The following LARGE1 variants were observed in gnomAD, a reference collection of about 807,000 sequenced individuals.
LARGE1 encodes LARGE xylosyl- and glucuronyltransferase 1, also known as xylosyl- and glucuronyltransferase LARGE1.
A neutral mutation model predicts 87.6 loss-of-function variants in LARGE1; 43 were observed. The ratio of observed to expected loss-of-function variants is 0.49; its 90% CI spans 0.38 to 0.63. The LOEUF (loss-of-function observed/expected upper bound fraction) is 0.63, where lower values mean the gene tolerates loss of function less well. Ranked by LOEUF, LARGE1 falls within the 30% of genes least tolerant of loss-of-function variation. The pLI, the probability that LARGE1 is intolerant of heterozygous loss-of-function variation, is 0.00. For synonymous variants in LARGE1, 434 were observed against 394.6 expected (o/e 1.10, Z -1.18); for missense variants, 802 against 1,000.2 (o/e 0.80, Z 2.67).
chr22:33,769,606 A>G (rs2085005075), intron 1 of LARGE1, among the ~76,000 whole-genome samples: 1 of 152,102 alleles, frequency 6.6e-6, no homozygotes, highest in Admixed American at 6.5e-5. Context: ...TTCCCCTCCA[A>G]GTCCATCTAT....
At chr22:33,125,812 A>G in the LARGE1 span, among the ~76,000 whole-genome samples, 1 of 152,008 alleles carries the variant, frequency 6.6e-6, no homozygotes, top group East Asian at 1.9e-4. Flanking sequence ...CAGTGGTGCA[A>G]TCTTGACTTG....
intron 6 of LARGE1, among the ~76,000 whole-genome samples, chr22:33,445,891 T>C (rs11704104): frequency 0.48 from 73,028 of 151,794 alleles, 19,105 homozygotes; most frequent in African/African-American, 0.69. Context: ...CTCAGGTGAT[T>C]CATGTGCCTC....
chr22:33,706,650 A>T (rs2082571466), intron 2 of LARGE1, among the ~76,000 whole-genome samples: 1 of 152,232 alleles, frequency 6.6e-6, no homozygotes, highest in South Asian at 2.1e-4. Context: ...CGCTTTAAAG[A>T]AAGGAAATGA....
chr22:33,072,842 G>A, the LARGE1 span, among the ~76,000 whole-genome samples: 26 of 152,086 alleles, frequency 1.7e-4, no homozygotes, highest in Non-Finnish European at 3.1e-4. Flanking sequence ...TCCATTCTCC[G>A]GTCCAGCTCA....
intron 11 of LARGE1, among the ~76,000 whole-genome samples, chr22:33,217,564 C>T (rs1442865127): frequency 1.3e-5 from 2 of 152,090 alleles, no homozygotes; most frequent in African/African-American, 4.8e-5. Flanking sequence ...TATTATATTG[C>T]CCATGAATGC....
At chr22:33,313,962 C>T (rs1004151452) in intron 11 of LARGE1, among the ~76,000 whole-genome samples, 4 of 152,196 alleles carry the variant, frequency 2.6e-5, no homozygotes, top group Non-Finnish European at 4.4e-5. Context: ...GGTGCCTGAG[C>T]CCCACATAGG....
chr22:33,583,827 T>C (rs1389953226), intron 5 of LARGE1, among the ~76,000 whole-genome samples: 1 of 152,186 alleles, frequency 6.6e-6, no homozygotes. Flanking sequence ...TGATAGATAG[T>C]TACTATTTTT....
At chr22:33,585,130 C>T (rs2078634276) in intron 5 of LARGE1, among the ~76,000 whole-genome samples, 1 of 152,060 alleles carries the variant, frequency 6.6e-6, no homozygotes, top group Admixed American at 6.6e-5. Context: ...AAAAAACAAA[C>T]AAAACAAACA....
At chr22:33,357,359 G>C (rs1291739876) in intron 9 of LARGE1, among the ~76,000 whole-genome samples, 1 of 152,046 alleles carries the variant, frequency 6.6e-6, no homozygotes, top group African/African-American at 2.4e-5. Flanking sequence ...AAGGCTGAGA[G>C]GGTGGGAGAG....
chr22:33,723,418 C>A (rs1280488435), intron 2 of LARGE1, among the ~76,000 whole-genome samples: 1 of 152,146 alleles, frequency 6.6e-6, no homozygotes, highest in Non-Finnish European at 1.5e-5. Flanking sequence ...ATTCTAGAAT[C>A]AGCTCATGTC....
intron 1 of LARGE1, among the ~76,000 whole-genome samples, chr22:33,771,301 A>G (rs2085061977): frequency 6.6e-6 from 1 of 152,024 alleles, no homozygotes; most frequent in Admixed American, 6.5e-5. Context: ...TAGCCTGGGA[A>G]AATCCAACGC....
At chr22:33,472,042 T>A (rs1168664829) in intron 6 of LARGE1, among the ~76,000 whole-genome samples, 2 of 151,866 alleles carry the variant, frequency 1.3e-5, no homozygotes, top group Admixed American at 1.3e-4. Context: ...ACAGTGAGAC[T>A]CTGACTCAAA....
At chr22:33,632,995 A>T (rs780492199) in intron 3 of LARGE1, among the ~76,000 whole-genome samples, 12 of 152,148 alleles carry the variant, frequency 7.9e-5, no homozygotes, top group Non-Finnish European at 1.3e-4. Flanking sequence ...GATACAGGTA[A>T]GGTAGTGCAG....
chr22:33,507,027 G>A (rs2070798679), intron 6 of LARGE1, among the ~76,000 whole-genome samples: 1 of 152,214 alleles, frequency 6.6e-6, no homozygotes, highest in Admixed American at 6.5e-5. Context: ...CTCACAGGCT[G>A]AAGAGGGAGT....
the LARGE1 span, among the ~76,000 whole-genome samples, chr22:33,124,471 C>G: frequency 6.6e-6 from 1 of 152,076 alleles, no homozygotes; most frequent in Non-Finnish European, 1.5e-5. Context: ...GTATTACAGT[C>G]TTAGTGTTAC....
chr22:33,536,710 C>T (rs934617837), intron 6 of LARGE1, among the ~76,000 whole-genome samples: 1 of 152,218 alleles, frequency 6.6e-6, no homozygotes, highest in Admixed American at 6.5e-5. Context: ...ATGAGGCTGC[C>T]ACGTCAGGCA....
chr22:33,237,336 A>T (rs1442020373), intron 11 of LARGE1, among the ~76,000 whole-genome samples: 2 of 152,258 alleles, frequency 1.3e-5, no homozygotes, highest in Non-Finnish European at 2.9e-5. Flanking sequence ...ATGTAAAATT[A>T]GTCCAAGATA....
intron 5 of LARGE1, among the ~76,000 whole-genome samples, chr22:33,593,170 A>G (rs1284283078): frequency 6.8e-6 from 1 of 148,000 alleles, no homozygotes; most frequent in Non-Finnish European, 1.5e-5. Context: ...TTTTAAGTCT[A>G]TTTATTTATT....
intron 1 of LARGE1, among the ~76,000 whole-genome samples, chr22:33,831,683 G>C (rs977093733): frequency 6.6e-6 from 1 of 151,860 alleles, no homozygotes; most frequent in Admixed American, 6.6e-5. Context: ...CTCAGACATA[G>C]ACATACCACT....
Sources: allele counts gnomAD v4.1 joint callset (sites outside exome capture counted in the v4.1 genomes callset), GRCh38; gene constraint gnomAD v4.1.1; transcripts MANE v1.5; gene names NCBI Gene and HGNC (gene_info 2026-07-23, HGNC 2026-07-21).